The following RBKS variants were observed in gnomAD, a reference collection of about 807,000 sequenced individuals.
The protein encoded by RBKS is ribokinase.
RBKS carries 33 observed loss-of-function variants against 33.9 expected under a neutral mutation model. That is an observed-to-expected ratio of 0.97 (90% CI 0.74 to 1.30). The LOEUF is 1.30. RBKS is among the 50% of genes most tolerant of loss of function. The probability of loss-of-function intolerance (pLI) is 0.00; values close to 1 mark genes in which losing one functional copy is unlikely to be tolerated. For synonymous variants in RBKS, 125 were observed against 143.0 expected (o/e 0.87, Z 0.90); for missense variants, 361 against 392.6 (o/e 0.92, Z 0.68).
intron 7 of RBKS, among the ~76,000 whole-genome samples, chr2:27,805,478 A>G (rs1345774573): frequency 1.3e-5 from 2 of 152,242 alleles, no homozygotes; most frequent in African/African-American, 2.4e-5. Context: ...TTCAGTATCC[A>G]CACAACATAG....
chr2:27,858,484 A>C lies in RBKS; in HGVS notation c.177T>G (p.Cys59Trp), dbSNP rs1412106908. Residue 59 changes from cysteine to tryptophan, a missense_variant, in exon 2 of 8, where the codon TGT becomes TGG. Physicochemically the swap from Cys to Trp is radical, Grantham distance 215 (BLOSUM62 -2). Coordinates refer to ENST00000302188, the MANE Select transcript of RBKS (RefSeq NM_022128.3). Reference sequence around the variant, plus strand: ...TTGCTCCAAGCCGAGCAGCTTGGACACACTGGTTGGCACCTTTCCCTCCAA... The same window carrying C: ...TTGCTCCAAGCCGAGCAGCTTGGACCCACTGGTTGGCACCTTTCCCTCCAA... The part of the protein sequence containing the change: ...IGFGGKGANQ[C>W]VQAARLGAMT... 5.6e-6 allele frequency: 9 copies of C among 1,614,126 alleles called. No homozygotes were observed. Among genetic ancestry groups the C allele is most frequent in the Admixed American group, 1.7e-5 (1 of 60,018 alleles).
At chr2:27,797,884 G>A (rs1461793033) in intron 7 of RBKS, among the ~76,000 whole-genome samples, 2 of 152,150 alleles carry the variant, frequency 1.3e-5, no homozygotes, top group African/African-American at 2.4e-5. Context: ...AACTGGGAAC[G>A]GCGTAGAAGA....
intron 1 of RBKS, among the ~76,000 whole-genome samples, chr2:27,865,256 G>C (rs1038790714): frequency 1.7e-4 from 26 of 152,158 alleles, no homozygotes; most frequent in African/African-American, 5.6e-4. Flanking sequence ...GGAGGCGGAG[G>C]TTGCAGTGAG....
At chr2:27,827,421 G>A (rs1678332702) in intron 7 of RBKS, 146 bp downstream of exon 7, 1 of 637,250 alleles carries the variant, frequency 1.6e-6, no homozygotes, top group Non-Finnish European at 2.5e-6. Context: ...TTAAAATACA[G>A]TTCCCCTGCC....
intron 6 of RBKS, among the ~76,000 whole-genome samples, chr2:27,828,084 C>T (rs9679543): frequency 0.34 from 50,978 of 152,016 alleles, 10,421 homozygotes; most frequent in East Asian, 0.63. Context: ...TGGGGTGAGG[C>T]ATCATGTTGT....
At chr2:27,826,685 T>C (rs1284597922) in intron 7 of RBKS, among the ~76,000 whole-genome samples, 2 of 152,156 alleles carry the variant, frequency 1.3e-5, no homozygotes, top group Non-Finnish European at 2.9e-5. Context: ...GGACTACAAG[T>C]GTGAAGTGGC....
chr2:27,848,947 C>G (rs1288142249), intron 2 of RBKS, among the ~76,000 whole-genome samples: 1 of 151,926 alleles, frequency 6.6e-6, no homozygotes. Context: ...GGGACTTTTA[C>G]TGAAACTACC....
At chr2:27,815,781 A>G (rs1678080685) in intron 7 of RBKS, among the ~76,000 whole-genome samples, 1 of 152,174 alleles carries the variant, frequency 6.6e-6, no homozygotes, top group South Asian at 2.1e-4. Context: ...AAGCTCCCAT[A>G]ACCTTATACA....
At chr2:27,887,256 A>G (rs1056907429) in intron 1 of RBKS, among the ~76,000 whole-genome samples, 4 of 152,158 alleles carry the variant, frequency 2.6e-5, no homozygotes, top group South Asian at 2.1e-4. Context: ...ACGATGAGCC[A>G]AGGATGTGGG....
intron 5 of RBKS, among the ~76,000 whole-genome samples, chr2:27,840,020 C>CTT (rs57069432): frequency 1.2e-4 from 16 of 136,682 alleles, no homozygotes; most frequent in East Asian, 2.1e-4. Flanking sequence ...CACTCTTCTT[C>CTT]TTTTTTTTTT....
At chr2:27,856,957 A>C (rs1663870202) in intron 2 of RBKS, among the ~76,000 whole-genome samples, 1 of 152,174 alleles carries the variant, frequency 6.6e-6, no homozygotes, top group South Asian at 2.1e-4. Flanking sequence ...TGATATTTTA[A>C]ATCTATCAAG....
At chr2:27,797,656 T>A (rs890138055) in intron 7 of RBKS, among the ~76,000 whole-genome samples, 2 of 152,048 alleles carry the variant, frequency 1.3e-5, no homozygotes, top group Non-Finnish European at 2.9e-5. Context: ...CTCCACTGCA[T>A]GGGGGGTCCA....
At chr2:27,881,057 AC>A (rs1664407216) in intron 1 of RBKS, among the ~76,000 whole-genome samples, 3 of 151,230 alleles carry the variant, frequency 2.0e-5, no homozygotes, top group Non-Finnish European at 4.4e-5. Context: ...CTGCAAACCA[AC>A]CAACCAACAA....
At chr2:27,848,164 G>A in intron 2 of RBKS, 67 bp from the exon 3 acceptor site, 1 of 898,814 alleles carries the variant, frequency 1.1e-6, no homozygotes, top group South Asian at 1.5e-5. Context: ...GTAGTTTTTA[G>A]AATACTTAGC....
At chr2:27,842,059 G>A (rs1663523525) in intron 5 of RBKS, among the ~76,000 whole-genome samples, 1 of 152,140 alleles carries the variant, frequency 6.6e-6, no homozygotes, top group East Asian at 1.9e-4. Flanking sequence ...TCTGCAGATG[G>A]AGTATTTCTA....
intron 1 of RBKS, among the ~76,000 whole-genome samples, chr2:27,864,190 C>A (rs72854406): frequency 0.024 from 3,671 of 152,008 alleles, 175 homozygotes; most frequent in African/African-American, 0.084. Flanking sequence ...CCATGCCCAA[C>A]TAATTTTTTT....
Position 27,795,677 on chromosome 2 carries a change from C to T in RBKS, c.796-13889G>A, listed in dbSNP as rs529309544. Among the ~76,000 whole-genome samples, 10 of 152,276 alleles carry T rather than the reference C, an allele frequency of 6.6e-5. 1 individual carries two copies. The highest frequency in any genetic ancestry group is 2.2e-4 in the African/African-American group (9 of 41,544). On this transcript the variant is annotated intron_variant, in intron 7 of 7. Coordinates refer to ENST00000302188, the MANE Select transcript of RBKS (RefSeq NM_022128.3). The surrounding 1 kb of genome is among the most constrained non-coding windows in gnomAD (Gnocchi z 4.1). The stretch of plus-strand genomic sequence containing the variant: ...ACAGAGCTGGTAAATGGCAGAGCTG[C>T]ACTTTGTACCCAGACCCAGTGATTC...
intron 7 of RBKS, among the ~76,000 whole-genome samples, chr2:27,806,336 G>A (rs1354367545): frequency 6.6e-6 from 1 of 152,142 alleles, no homozygotes; most frequent in East Asian, 1.9e-4. Flanking sequence ...GGTATATCTG[G>A]CCAGGGAAAT....
In RBKS at chr2:27,838,629, A is replaced by C. The variant is rs76070639; in HGVS notation, c.514+4438T>G. Among the ~76,000 whole-genome samples the C allele has an allele frequency of 7.8e-3, 1,189 of 152,316 alleles. 12 individuals carry two copies. The highest frequency in any genetic ancestry group is 0.027 in the African/African-American group (1,120 of 41,562). On this transcript the variant is annotated intron_variant, in intron 5 of 7. Transcript: ENST00000302188. ...ATTCTTCTCAGCTTGTGCTACCACA[A>C]ATGAGCATACTCCACCATGATGAAA...
Sources: allele counts gnomAD v4.1 joint callset (sites outside exome capture counted in the v4.1 genomes callset), GRCh38; gene constraint gnomAD v4.1.1; non-coding constraint Gnocchi (gnomAD v3.1); transcripts MANE v1.5; gene names NCBI Gene and HGNC (gene_info 2026-07-23, HGNC 2026-07-21).